The following RPS20 variants were observed in gnomAD, a reference collection of about 807,000 sequenced individuals.
RPS20 encodes small ribosomal subunit protein uS10.
RPS20 carries 3 observed loss-of-function variants against 15.3 expected under a neutral mutation model. The ratio of observed to expected loss-of-function variants is 0.20; its 90% CI spans 0.09 to 0.51. RPS20 has a LOEUF of 0.51. Ranked by LOEUF, RPS20 falls within the 20% of genes least tolerant of loss-of-function variation. RPS20 has a pLI of 0.96. For synonymous variants in RPS20, 62 were observed against 47.8 expected, an observed-to-expected ratio of 1.30 and a Z score of -1.23; for missense variants, 67 against 145.9, an observed-to-expected ratio of 0.46 and a Z score of 2.79.
At chr8:56,069,686 T>C, downstream of RPS20, 2 of 1,480,622 alleles carry the variant, frequency 1.4e-6, no homozygotes, top group African/African-American at 1.4e-5. Context: ...CAGCTTTGGC[T>C]GTTTCTCCAC....
At chr8:56,073,504 A>C in intron 3 of RPS20, 191 bp downstream of exon 3, 1 of 648,000 alleles carries the variant, frequency 1.5e-6, no homozygotes, top group South Asian at 1.8e-5. Flanking sequence ...CCAAGAACAC[A>C]GCAACAATAA....
At chr8:56,074,358 C>A (rs1289777742) in intron 1 of RPS20, 23 bp downstream of exon 1, 1 of 1,552,824 alleles carries the variant, frequency 6.4e-7, no homozygotes, top group Non-Finnish European at 8.7e-7. Context: ...CGTTGCGCCG[C>A]CCGCCGCCGA....
downstream of RPS20, among the ~76,000 whole-genome samples, chr8:56,068,805 A>T (rs867159754): frequency 1.1e-3 from 46 of 41,512 alleles, no homozygotes; most frequent in Admixed American, 4.5e-3. Context: ...TGGTGAAAAT[A>T]TCTTTTTTTT....
Position 56,074,452 on chromosome 8 carries a change from A to G in RPS20, c.-69T>C, listed in dbSNP as rs1038847853. ...GAGCGAACAGCGGTGAGTCAGGAGCAGGAGCGTGCGGACCAAAAATCCTCA... is the reference window on the plus strand; with the variant it reads ...GAGCGAACAGCGGTGAGTCAGGAGCGGGAGCGTGCGGACCAAAAATCCTCA... On this transcript the variant is annotated 5_prime_UTR_variant, in exon 1 of 4. Transcript: ENST00000009589. 1 of 1,525,366 alleles carries G rather than the reference A, an allele frequency of 6.6e-7. No individual in the cohort carries two copies. The highest frequency in any genetic ancestry group is 2.0e-5 in the Admixed American group (1 of 49,620). 94.5% of individuals were successfully genotyped at this position (1,525,366 alleles called of 1,614,324 possible). A position where few individuals can be genotyped will look rare whatever the true frequency, so the allele number is the denominator to read the frequency against.
intron 2 of RPS20, 125 bp downstream of exon 2, chr8:56,073,935 C>T (rs1329730767): frequency 8.9e-7 from 1 of 1,120,478 alleles, no homozygotes; most frequent in Admixed American, 1.7e-5. Context: ...TTAAGCCACG[C>T]TTTACTTTTT....
chr8:56,068,071 G>A (rs1358565755), downstream of RPS20: 5 of 151,968 alleles, frequency 3.3e-5, no homozygotes, highest in Admixed American at 3.3e-4. Flanking sequence ...CTGAAGGCTG[G>A]TTGGGGAAGT....
At chr8:56,072,273 C>G (rs1809785303), downstream of RPS20, among the ~76,000 whole-genome samples, 1 of 151,764 alleles carries the variant, frequency 6.6e-6, no homozygotes, top group African/African-American at 2.4e-5. Flanking sequence ...GAAAATGGGC[C>G]AGGCATGGTG....
chr8:56,069,924 A>G (rs1809706213), downstream of RPS20: 2 of 714,532 alleles, frequency 2.8e-6, no homozygotes, highest in South Asian at 1.5e-5. Flanking sequence ...AATACAGCAT[A>G]ACTACTTACA....
rs752017459 is a variant in RPS20 at position 56,074,035 on chromosome 8, C to G, written c.103+25G>C. 3 of 1,569,102 alleles carry G rather than the reference C, an allele frequency of 1.9e-6. No individual in the cohort carries two copies. In the Admixed American group the frequency reaches 5.0e-5, roughly 26 times the overall value. The stretch of plus-strand genomic sequence containing the variant: ...GTCGCTTTTCGCCCAATTCCCCCTC[C>G]CCCCCGCATAACGAATGCACTGACC... On this transcript the variant is annotated intron_variant, in intron 2 of 3. Coordinates refer to ENST00000009589, the MANE Select transcript of RPS20 (RefSeq NM_001023.4).
rs1804372 is a variant in RPS20, at chr8:56,074,430, C to A, written c.-47G>T. On this transcript the variant is annotated 5_prime_UTR_variant, in exon 1 of 4. Transcript: ENST00000009589. ...TGACCGACTTGTTCCTCGGCGAGAGCGAACAGCGGTGAGTCAGGAGCAGGA... is the reference window on the plus strand; with the variant it reads ...TGACCGACTTGTTCCTCGGCGAGAGAGAACAGCGGTGAGTCAGGAGCAGGA... The A allele has an allele frequency of 1.9e-6, 3 of 1,546,388 alleles. No homozygotes were observed. The highest frequency in any genetic ancestry group is 2.7e-5 in the African/African-American group (2 of 73,344).
chr8:56,074,467 A>C lies in RPS20; in HGVS notation c.-84T>G, dbSNP rs3211054. 6.8e-7 allele frequency: 1 copy of C among 1,464,382 alleles called. No individual in the cohort carries two copies. Among genetic ancestry groups the C allele is most frequent in the South Asian group, 1.2e-5 (1 of 81,876 alleles). The allele number at this position is 1,464,382 out of a possible 1,614,324, so 90.7% of individuals were successfully genotyped here. The stretch of plus-strand genomic sequence containing the variant: ...AGTCAGGAGCAGGAGCGTGCGGACC[A>C]AAAATCCTCAGCCCTTACGACCGCG... On this transcript the variant is annotated 5_prime_UTR_variant, in exon 1 of 4. Coordinates refer to ENST00000009589, the MANE Select transcript of RPS20 (RefSeq NM_001023.4).
downstream of RPS20, chr8:56,069,916 T>A: frequency 1.4e-6 from 1 of 732,240 alleles, no homozygotes. Flanking sequence ...ATTCCCTGAA[T>A]ACAGCATAAC....
chr8:56,070,288 A>C (rs933012769), downstream of RPS20, among the ~76,000 whole-genome samples: 1 of 152,218 alleles, frequency 6.6e-6, no homozygotes, highest in Non-Finnish European at 1.5e-5. Context: ...ACTGAGGCTC[A>C]AAGTCAAGTA....
At chr8:56,069,558 C>G (rs2129212279), downstream of RPS20, 2 of 625,276 alleles carry the variant, frequency 3.2e-6, no homozygotes, top group Non-Finnish European at 5.6e-6. Flanking sequence ...CTTGGCCTCC[C>G]AAAGTGCTGA....
chr8:56,072,957 T>C (rs1348202883), downstream of RPS20: 2 of 1,433,738 alleles, frequency 1.4e-6, no homozygotes, highest in Non-Finnish European at 1.8e-6. Context: ...TAGACCACTC[T>C]AAGATACCCA....
downstream of RPS20, among the ~76,000 whole-genome samples, chr8:56,072,556 C>CG (rs1490451987): frequency 7.0e-6 from 1 of 143,084 alleles, no homozygotes; most frequent in Non-Finnish European, 1.5e-5. Flanking sequence ...CGTCCCCCCC[C>CG]CCAAAAAAAA....
chr8:56,068,526 A>G (rs1221448685), downstream of RPS20: 1 of 144,818 alleles, frequency 6.9e-6, no homozygotes, highest in African/African-American at 2.5e-5. Context: ...TGACAGAGAA[A>G]GACTCTAAAA....
downstream of RPS20, chr8:56,069,746 G>C (rs190701391): frequency 1.5e-4 from 227 of 1,551,634 alleles, 2 homozygotes; most frequent in African/African-American, 2.8e-3. Context: ...AGTTAAAAAG[G>C]ACATGTCCCC....
downstream of RPS20, among the ~76,000 whole-genome samples, chr8:56,070,501 C>T (rs775916549): frequency 7.2e-5 from 11 of 151,884 alleles, no homozygotes; most frequent in African/African-American, 9.7e-5. Context: ...TATGGGAGGC[C>T]GAGGAGGGTG....
Sources: allele counts gnomAD v4.1 joint callset (sites outside exome capture counted in the v4.1 genomes callset), GRCh38; gene constraint gnomAD v4.1.1; transcripts MANE v1.5; gene names NCBI Gene and HGNC (gene_info 2026-07-23, HGNC 2026-07-21).